The following PDE8B variants were observed in gnomAD, a reference collection of about 807,000 sequenced individuals.
PDE8B encodes high affinity cAMP-specific and IBMX-insensitive 3',5'-cyclic phosphodiesterase 8B.
Under a neutral mutation model 101.3 loss-of-function variants are expected in PDE8B, and 26 were observed. That is an observed-to-expected ratio of 0.26 (90% confidence interval 0.19 to 0.36). The LOEUF is 0.36. PDE8B is among the 10% of genes least tolerant of loss of function. PDE8B has a pLI of 1.00. For synonymous variants in PDE8B, 424 were observed against 429.3 expected (o/e 0.99, Z 0.15); for missense variants, 810 against 1,163.1 (o/e 0.70, Z 4.42).
the PDE8B span, among the ~76,000 whole-genome samples, chr5:77,149,961 A>T: frequency 6.6e-6 from 1 of 152,238 alleles, no homozygotes; most frequent in Non-Finnish European, 1.5e-5. Flanking sequence ...TAAAGTAACT[A>T]TTACCATAAT....
At chr5:77,087,024 C>G in the PDE8B span, 1 of 152,274 alleles carries the variant, frequency 6.6e-6, no homozygotes, top group Admixed American at 6.5e-5. Flanking sequence ...GGGAGGCCGG[C>G]AGGGGCGTCC....
intron 10 of PDE8B, among the ~76,000 whole-genome samples, chr5:77,359,303 G>C (rs566612526): frequency 1.3e-5 from 2 of 152,216 alleles, no homozygotes; most frequent in Admixed American, 1.3e-4. Context: ...GAAGCTGAGA[G>C]GGGGCTCTCT....
the PDE8B span, among the ~76,000 whole-genome samples, chr5:77,120,736 G>C: frequency 6.6e-6 from 1 of 152,208 alleles, no homozygotes; most frequent in East Asian, 1.9e-4. Context: ...CTACAACTGA[G>C]CAACTGTTGT....
chr5:77,349,370 A>G (rs1780689024), intron 7 of PDE8B, 49 bp from the exon 8 acceptor site: 1 of 1,611,250 alleles, frequency 6.2e-7, no homozygotes, highest in African/African-American at 1.3e-5. Flanking sequence ...CATTTCATGA[A>G]TTCTGTCTTG....
At chr5:77,103,252 C>T in the PDE8B span, among the ~76,000 whole-genome samples, 6 of 152,112 alleles carry the variant, frequency 3.9e-5, no homozygotes, top group African/African-American at 9.7e-5. Flanking sequence ...AAAATGAAAA[C>T]GCTTAATGGA....
chr5:77,357,082 A>C (rs1241141163), intron 10 of PDE8B, among the ~76,000 whole-genome samples: 1 of 152,128 alleles, frequency 6.6e-6, no homozygotes, highest in Non-Finnish European at 1.5e-5. Flanking sequence ...CTTTGCGGGG[A>C]GATGCAGGGC....
intron 1 of PDE8B, among the ~76,000 whole-genome samples, chr5:77,253,260 A>T (rs531872870): frequency 6.6e-6 from 1 of 152,284 alleles, no homozygotes; most frequent in South Asian, 2.1e-4. Flanking sequence ...TTAAAGGGTA[A>T]AGGATCGTAG....
intron 10 of PDE8B, among the ~76,000 whole-genome samples, chr5:77,374,958 T>TACAC (rs151289447): frequency 1.7e-4 from 26 of 150,580 alleles, no homozygotes; most frequent in African/African-American, 2.7e-4. Context: ...CAGAACCAGA[T>TACAC]ACACACACAC....
chr5:77,269,985 A>G (rs1179512114), intron 1 of PDE8B, among the ~76,000 whole-genome samples: 3 of 151,722 alleles, frequency 2.0e-5, no homozygotes, highest in Non-Finnish European at 4.4e-5. Context: ...AAATTTTAGG[A>G]TTTTTTTCTC....
intron 19 of PDE8B, among the ~76,000 whole-genome samples, 165 bp from the exon 20 acceptor site, chr5:77,421,656 T>C (rs1006710346): frequency 6.6e-6 from 1 of 152,126 alleles, no homozygotes; most frequent in Non-Finnish European, 1.5e-5. Context: ...TTTTAAAGAA[T>C]GTGTCAGTAT....
chr5:77,167,956 T>C, the PDE8B span, among the ~76,000 whole-genome samples: 3 of 151,942 alleles, frequency 2.0e-5, no homozygotes, highest in Non-Finnish European at 2.9e-5. Context: ...AGCCAAATGT[T>C]TGATGATGAG....
At chr5:77,145,728 A>G in the PDE8B span, 2 of 152,224 alleles carry the variant, frequency 1.3e-5, no homozygotes, top group Non-Finnish European at 2.9e-5. Context: ...TAAGAAAAGT[A>G]TTTCAGCAAA....
At chr5:77,354,888 C>G (rs1454180395) in intron 10 of PDE8B, among the ~76,000 whole-genome samples, 1 of 152,222 alleles carries the variant, frequency 6.6e-6, no homozygotes, top group South Asian at 2.1e-4. Context: ...CACCTTCTTT[C>G]TGAAGGCCCC....
chr5:77,233,251 G>C (rs966448098), intron 1 of PDE8B, among the ~76,000 whole-genome samples: 2 of 152,066 alleles, frequency 1.3e-5, no homozygotes, highest in Non-Finnish European at 2.9e-5. Flanking sequence ...CTAAGAGAAG[G>C]CTGGGTGACA....
chr5:77,205,994 C>T (rs991966039), upstream of PDE8B, among the ~76,000 whole-genome samples: 2 of 152,092 alleles, frequency 1.3e-5, no homozygotes, highest in Non-Finnish European at 2.9e-5. Flanking sequence ...TTCTGATGTA[C>T]ATTACCAAAA....
chr5:77,122,869 G>A, the PDE8B span, among the ~76,000 whole-genome samples: 1 of 152,172 alleles, frequency 6.6e-6, no homozygotes, highest in African/African-American at 2.4e-5. Flanking sequence ...AGAGTCCAAC[G>A]AGATTGTGAT....
At chr5:77,178,478 C>G in the PDE8B span, among the ~76,000 whole-genome samples, 1 of 152,090 alleles carries the variant, frequency 6.6e-6, no homozygotes, top group South Asian at 2.1e-4. Context: ...TCTACCCAGG[C>G]CTAAAAAGAC....
At chr5:77,242,783 T>C (rs1756033734) in intron 1 of PDE8B, among the ~76,000 whole-genome samples, 1 of 152,176 alleles carries the variant, frequency 6.6e-6, no homozygotes, top group Non-Finnish European at 1.5e-5. Flanking sequence ...GCCATTCTCC[T>C]GCCTCAGCCT....
chr5:77,258,067 TC>T, intron 1 of PDE8B, among the ~76,000 whole-genome samples: 1 of 151,690 alleles, frequency 6.6e-6, no homozygotes, highest in Middle Eastern at 3.4e-3. Flanking sequence ...GGCCGGCAGA[TC>T]ACCTGAGGTC....
Sources: gnomAD v4.1 joint callset for allele counts (sites outside exome capture counted in the v4.1 genomes callset) on GRCh38, gnomAD v4.1.1 for gene constraint, MANE v1.5 for transcripts, NCBI Gene and HGNC (gene_info 2026-07-23, HGNC 2026-07-21) for gene names.